The following SMTN variants were observed in gnomAD, a reference collection of about 807,000 sequenced individuals.
SMTN encodes smoothelin.
SMTN carries 58 observed loss-of-function variants against 102.0 expected under a neutral mutation model. The ratio of observed to expected loss-of-function variants is 0.57; its 90% CI spans 0.46 to 0.71. SMTN has a LOEUF of 0.71. Ranked by LOEUF, SMTN falls within the 30% of genes least tolerant of loss-of-function variation. The pLI is 0.00. For synonymous variants in SMTN, 478 were observed against 497.9 expected (o/e 0.96, Z 0.53); for missense variants, 1,185 against 1,241.7 (o/e 0.95, Z 0.69).
rs967887366 is a variant in SMTN at position 31,098,588 on chromosome 22, C to CT, written c.2160-79_2160-78insT. 1.1e-5 allele frequency: 16 copies of CT among 1,436,582 alleles called. No individual in the cohort carries two copies. The African/African-American group carries it at 2.0e-4, about 18-fold the overall frequency. 89.0% of individuals were successfully genotyped at this position (1,436,582 alleles called of 1,614,324 possible). A position where few individuals can be genotyped will look rare whatever the true frequency, so the allele number is the denominator to read the frequency against. On this transcript the variant is annotated intron_variant, in intron 16 of 20. Coordinates refer to ENST00000333137, the MANE Select transcript of SMTN (RefSeq NM_134269.3). ...GATACTAGTGTGCTACAAGACCCCCCCTCCTCCTCGCGAGTGGTGGTCCAG... is the reference window on the plus strand; with the variant it reads ...GATACTAGTGTGCTACAAGACCCCCCTCTCCTCCTCGCGAGTGGTGGTCCAG...
At chr22:31,083,035 G>A (rs774830741) in intron 1 of SMTN, 144 bp from the exon 2 acceptor site, 1 of 1,405,854 alleles carries the variant, frequency 7.1e-7, no homozygotes, top group South Asian at 1.2e-5. Flanking sequence ...CTAGGGCAGA[G>A]GGCAGCTTCC....
intron 20 of SMTN, chr22:31,102,262 G>A (rs1235646018): frequency 1.3e-5 from 2 of 152,428 alleles, no homozygotes; most frequent in East Asian, 1.9e-4. Flanking sequence ...GGGGTGGGAG[G>A]GAGAGGGAAG....
At chr22:31,086,738 G>T (rs1317389801) in intron 2 of SMTN, among the ~76,000 whole-genome samples, 2 of 152,210 alleles carry the variant, frequency 1.3e-5, no homozygotes, top group African/African-American at 2.4e-5. Flanking sequence ...GAGTTTCAGG[G>T]GGTCTTCTCA....
chr22:31,094,664 GTTT>G (rs58498250), intron 11 of SMTN, among the ~76,000 whole-genome samples: 4,755 of 141,718 alleles, frequency 0.034, 105 homozygotes, highest in Middle Eastern at 0.091. Context: ...TTCCCCTTCT[GTTT>G]TTTTTTTTTT....
intron 1 of SMTN, among the ~76,000 whole-genome samples, chr22:31,074,222 T>C (rs148488407): frequency 6.6e-6 from 1 of 152,042 alleles, no homozygotes; most frequent in African/African-American, 2.4e-5. Flanking sequence ...ACTCCATCTC[T>C]ATAAAAATTA....
At chr22:31,099,515 C>T in intron 18 of SMTN, 1 of 594,578 alleles carries the variant, frequency 1.7e-6, no homozygotes, top group Non-Finnish European at 3.0e-6. Flanking sequence ...TGACCATAGC[C>T]TTAGCTGGGT....
At position 31,091,128 on chromosome 22, in the gene SMTN, C is replaced by G. The variant is rs1305393078; in HGVS notation, c.1105C>G (p.Leu369Val). Residue 369 changes from leucine (L) to valine (V), a missense_variant, in exon 10 of 21, where the codon CTC (leucine) becomes GTC (valine). This residue lies in a region of SMTN where 1,096 missense variants were observed against 1,112.7 expected (regional missense o/e 0.98). Transcript: ENST00000333137. ...CCCCGCAAGGCTCCTGGGCCCCTCC[C>G]TCACCAGCACCACCCCTGCCTCCTC... ...LTPARLLGPS[L>V]TSTTPASSSS... The G allele has an allele frequency of 6.2e-7, 1 of 1,613,886 alleles. No individual in the cohort carries two copies. Among genetic ancestry groups the G allele is most frequent in the Non-Finnish European group, 8.5e-7 (1 of 1,179,884 alleles).
Position 31,088,574 on chromosome 22 carries a change from T to C in SMTN, c.262T>C (p.Ser88Pro), listed in dbSNP as rs1436936678. 1.2e-6 allele frequency: 2 copies of C among 1,613,036 alleles called. No individual in the cohort carries two copies. The highest frequency in any genetic ancestry group is 1.7e-6 in the Non-Finnish European group (2 of 1,179,810). ...GGCACGGCTGGCAGGGCAGCTGGAG[T>C]CCATGAACGATGTGGAGGAATTGAC... ...ALARLAGQLE[S>P]MNDVEELTAL... The change falls in exon 4 of 21, where the codon TCC (serine) becomes CCC (proline). Residue 88 changes from serine to proline, a missense_variant. This residue lies in a region of SMTN where 1,096 missense variants were observed against 1,112.7 expected (regional missense o/e 0.98). Transcript: ENST00000333137.
Position 31,104,412 on chromosome 22 carries a change from G to C in SMTN, c.*117G>C. 6.2e-7 allele frequency: 1 copy of C among 1,614,120 alleles called. No individual in the cohort carries two copies. ...AGTGTGTCTTCACCTATGTGCAGTC[G>C]CTCTACAACCACCTGCGACGCCACG... is the stretch of plus-strand genomic sequence containing the variant. On this transcript the variant is annotated 3_prime_UTR_variant, in exon 21 of 21. Transcript: ENST00000333137.
intron 16 of SMTN, among the ~76,000 whole-genome samples, chr22:31,098,332 T>C (rs939373858): frequency 6.6e-6 from 1 of 152,156 alleles, no homozygotes; most frequent in Non-Finnish European, 1.5e-5. Context: ...TGAATTATTA[T>C]TATTACTATT....
In SMTN at chr22:31,088,579, G is replaced by A; in HGVS notation, c.267G>A (p.Met89Ile). Reference protein sequence around the residue: ...LARLAGQLESMNDVEELTALL... With the variant: ...LARLAGQLESINDVEELTALL... ...GGCTGGCAGGGCAGCTGGAGTCCAT[G>A]AACGATGTGGAGGAATTGACTGCAC... Residue 89 changes from methionine to isoleucine, a missense_variant, in exon 4 of 21, where the codon ATG (methionine) becomes ATA (isoleucine). This residue lies in a region of SMTN where 1,096 missense variants were observed against 1,112.7 expected (regional missense o/e 0.98). Coordinates refer to ENST00000333137, the MANE Select transcript of SMTN (RefSeq NM_134269.3). 1 of 1,613,910 alleles carries A rather than the reference G, an allele frequency of 6.2e-7. No homozygotes were observed. The highest frequency in any genetic ancestry group is 8.5e-7 in the Non-Finnish European group (1 of 1,179,946).
chr22:31,093,580 G>A lies in SMTN; in HGVS notation c.1633-1723G>A, dbSNP rs116431662. 2,196 of 741,708 alleles carry A rather than the reference G, an allele frequency of 3.0e-3. 43 individuals are homozygous for A. The African/African-American group carries it at 0.035, about 12-fold the overall frequency. The allele number at this position is 741,708 out of a possible 1,614,324, so 45.9% of individuals were successfully genotyped here. On this transcript the variant is annotated intron_variant, in intron 11 of 20. Transcript: ENST00000333137. ...AGTGACCCAGGCAGCCGAGGTAGCT[G>A]TAGCCACCGTGGAGCCGGTGGCCCG...
In SMTN at chr22:31,097,066, G is replaced by A. The variant is rs201905303; in HGVS notation, c.2089+6G>A. On this transcript the variant is annotated splice_donor_region_variant and intron_variant, in intron 15 of 20. Transcript: ENST00000333137. ...TTTCGTGAGGCGCTCGGAGAGTAAG[G>A]CCACCTGGTGTCGCCCTGTGCCTGC... The A allele has an allele frequency of 6.8e-5, 109 of 1,613,794 alleles. No homozygotes were observed. The African/African-American group carries it at 1.2e-3, about 18-fold the overall frequency.
intron 1 of SMTN, chr22:31,064,227 G>C (rs923950110): frequency 2.0e-5 from 3 of 152,212 alleles, no homozygotes; most frequent in African/African-American, 7.2e-5. Flanking sequence ...CCACTATGGA[G>C]ATGATAAATG....
At chr22:31,096,952 C>T (rs1039118161) in intron 14 of SMTN, 46 bp from the exon 15 acceptor site, 1 of 1,613,224 alleles carries the variant, frequency 6.2e-7, no homozygotes, top group Non-Finnish European at 8.5e-7. Flanking sequence ...CATCCTCCCC[C>T]AGCCCCCTGT....
chr22:31,090,910 T>G (rs2043080342), intron 9 of SMTN, 31 bp downstream of exon 9: 2 of 1,613,650 alleles, frequency 1.2e-6, no homozygotes, highest in Non-Finnish European at 8.5e-7. Context: ...GCCTAGGATC[T>G]GTGCAGACCC....
intron 1 of SMTN, among the ~76,000 whole-genome samples, chr22:31,072,618 C>G (rs781302839): frequency 1.3e-5 from 2 of 151,924 alleles, no homozygotes; most frequent in Non-Finnish European, 2.9e-5. Context: ...CCCGCCACCA[C>G]GCCTGGCTAA....
At chr22:31,088,352 C>T (rs1249193434) in intron 3 of SMTN, 161 bp from the exon 4 acceptor site, 5 of 761,716 alleles carry the variant, frequency 6.6e-6, no homozygotes, top group African/African-American at 5.2e-5. Context: ...TTAGTGCCCA[C>T]GTCCATGGGC....
rs1194358968 is a variant in SMTN, at chr22:31,101,016, C to T, written c.2735C>T (p.Thr912Ile). The change falls in exon 20 of 21, where the codon ACC becomes ATC. Residue 912 changes from threonine to isoleucine, a missense_variant. Transcript: ENST00000333137. ...RCLVQKGLVKTKKS is the reference protein window; with the variant it reads ...RCLVQKGLVKIKKS ...CTGGTCCAGAAGGGGCTGGTAAAAA[C>T]CAAAAAGTCCTAACCCCTGCTCGGG... 6.2e-7 allele frequency: 1 copy of T among 1,612,350 alleles called. No homozygotes were observed.
Sources: allele counts gnomAD v4.1 joint callset (sites outside exome capture counted in the v4.1 genomes callset), GRCh38; gene constraint gnomAD v4.1.1; regional missense constraint gnomAD v4.1.1; transcripts MANE v1.5; gene names NCBI Gene and HGNC (gene_info 2026-07-23, HGNC 2026-07-21).